The following LBR variants were observed in gnomAD, a reference collection of about 807,000 sequenced individuals.
LBR encodes lamin B receptor.
Under a neutral mutation model 74.3 loss-of-function variants are expected in LBR, and 28 were observed. The observed-to-expected ratio is 0.38, with a 90% CI of 0.28 to 0.52. The LOEUF is 0.52. Ranked by LOEUF, LBR falls within the 20% of genes least tolerant of loss-of-function variation. LBR has a pLI of 0.89. For synonymous variants in LBR, 228 were observed against 269.3 expected, an observed-to-expected ratio of 0.85 and a Z score of 1.50; for missense variants, 717 against 760.3, an observed-to-expected ratio of 0.94 and a Z score of 0.67.
At chr1:225,417,524 A>G (rs1184293800) in intron 6 of LBR, 1 of 153,050 alleles carries the variant, frequency 6.5e-6, no homozygotes, top group Non-Finnish European at 1.5e-5. Context: ...TTTTAAAGTA[A>G]AAGATGTAGA....
At chr1:225,409,707 G>A (rs1234190935) in intron 10 of LBR, among the ~76,000 whole-genome samples, 5 of 152,130 alleles carry the variant, frequency 3.3e-5, no homozygotes, top group African/African-American at 1.2e-4. Flanking sequence ...GGAATATGCT[G>A]GCTGAGACAG....
chr1:225,413,922 G>T (rs1264232586), intron 7 of LBR: 1 of 456,868 alleles, frequency 2.2e-6, no homozygotes, highest in South Asian at 1.5e-5. Context: ...CCCCTCAGAG[G>T]GAAGTGAAAA....
At chr1:225,403,860 G>C (rs79660901) in intron 13 of LBR, among the ~76,000 whole-genome samples, 1,286 of 103,866 alleles carry the variant, frequency 0.012, 24 homozygotes, top group African/African-American at 0.047. Context: ...GGATCCCCCT[G>C]CTCCCCCAGT....
chr1:225,412,045 G>A (rs1207894014), intron 8 of LBR, among the ~76,000 whole-genome samples: 2 of 152,158 alleles, frequency 1.3e-5, no homozygotes, highest in Non-Finnish European at 2.9e-5. Flanking sequence ...CCTGACCTCA[G>A]GTGATCCACC....
chr1:225,410,760 A>C (rs1477797178), intron 9 of LBR, among the ~76,000 whole-genome samples: 1 of 152,264 alleles, frequency 6.6e-6, no homozygotes, highest in Non-Finnish European at 1.5e-5. Flanking sequence ...CAACTATTAG[A>C]CTAGAGAAGA....
In LBR at chr1:225,404,376, C is replaced by A. The variant is rs370681636; in HGVS notation, c.1687+28G>T. ...ACATCTTTCTGGCGGCTAAAAGGGT[C>A]AAACTAGCACTCTTCTGAAATGCTT... On this transcript the variant is annotated intron_variant, in intron 13 of 13. Coordinates refer to ENST00000272163, the MANE Select transcript of LBR (RefSeq NM_002296.4). 32 of 1,613,228 alleles carry A rather than the reference C, an allele frequency of 2.0e-5. No individual in the cohort carries two copies. In the African/African-American group the frequency reaches 3.6e-4, roughly 18 times the overall value.
intron 6 of LBR, among the ~76,000 whole-genome samples, chr1:225,416,702 C>A (rs1219877010): frequency 6.6e-6 from 1 of 152,208 alleles, no homozygotes; most frequent in Non-Finnish European, 1.5e-5. Context: ...ATTCAACCAA[C>A]CAGATCCAAA....
intron 10 of LBR, among the ~76,000 whole-genome samples, chr1:225,407,219 T>C (rs180711549): frequency 1.3e-5 from 2 of 152,256 alleles, no homozygotes; most frequent in African/African-American, 2.4e-5. Context: ...GCTGCAGTAA[T>C]TGGGTTACTG....
At chr1:225,409,566 T>C (rs557477490) in intron 10 of LBR, among the ~76,000 whole-genome samples, 5 of 152,358 alleles carry the variant, frequency 3.3e-5, no homozygotes, top group South Asian at 2.1e-4. Flanking sequence ...AACATTATGA[T>C]GTACAGCTGC....
chr1:225,410,518 G>A (rs910454565), intron 9 of LBR, 102 bp from the exon 10 acceptor site: 14 of 1,276,442 alleles, frequency 1.1e-5, no homozygotes, highest in African/African-American at 1.5e-5. Context: ...CCTGGCAGAC[G>A]CCACCGTAAC....
Position 225,402,043 on chromosome 1 carries a change from T to C in LBR, c.*1260A>G, listed in dbSNP as rs2096082795. ...CACAAAAGTTTAGTGAATTTGCTACTGTTCCATTACAGGACAATTAAAAAT... is the reference window on the plus strand; with the variant it reads ...CACAAAAGTTTAGTGAATTTGCTACCGTTCCATTACAGGACAATTAAAAAT... On this transcript the variant is annotated 3_prime_UTR_variant, in exon 14 of 14. Coordinates refer to ENST00000272163, the MANE Select transcript of LBR (RefSeq NM_002296.4). 6.6e-6 allele frequency: 1 copy of C among 152,210 alleles called. No homozygotes were observed. Among genetic ancestry groups the C allele is most frequent in the African/African-American group, 2.4e-5 (1 of 41,452 alleles). 9.4% of individuals were successfully genotyped at this position (152,210 alleles called of 1,614,324 possible).
At chr1:225,414,942 G>A (rs1404167336) in intron 7 of LBR, among the ~76,000 whole-genome samples, 1 of 152,234 alleles carries the variant, frequency 6.6e-6, no homozygotes, top group East Asian at 1.9e-4. Flanking sequence ...ACATGAGCAA[G>A]GACAAGAGCA....
At chr1:225,417,743 A>G in intron 6 of LBR, 1 of 384,218 alleles carries the variant, frequency 2.6e-6, no homozygotes, top group South Asian at 4.9e-5. Flanking sequence ...CTAATAAGCA[A>G]GTGTTATACA....
chr1:225,426,276 C>G (rs2096138948), intron 1 of LBR, among the ~76,000 whole-genome samples: 1 of 152,208 alleles, frequency 6.6e-6, no homozygotes, highest in Non-Finnish European at 1.5e-5. Flanking sequence ...CTAATATATT[C>G]CCCCACAGGA....
intron 6 of LBR, among the ~76,000 whole-genome samples, chr1:225,416,740 T>C (rs1056589867): frequency 3.3e-5 from 5 of 152,242 alleles, no homozygotes; most frequent in African/African-American, 1.2e-4. Flanking sequence ...GCATCTGAGC[T>C]GAATATGTAC....
Position 225,418,247 on chromosome 1 carries a change from T to C in LBR, c.641-67A>G. 4.7e-6 allele frequency: 7 copies of C among 1,494,104 alleles called. No homozygotes were observed. In the South Asian group the frequency reaches 7.2e-5, roughly 15 times the overall value. 92.6% of individuals were successfully genotyped at this position (1,494,104 alleles called of 1,614,324 possible). On this transcript the variant is annotated intron_variant, in intron 5 of 13. Coordinates refer to ENST00000272163, the MANE Select transcript of LBR (RefSeq NM_002296.4). ...TGGTTTATTTATTTAAGAATCATGT[T>C]AGATTTGTTAAGATCAGAACTCGTT... is the stretch of plus-strand genomic sequence containing the variant.
At chr1:225,419,079 A>G (rs2096122779) in intron 5 of LBR, among the ~76,000 whole-genome samples, 184 bp downstream of exon 5, 2 of 152,068 alleles carry the variant, frequency 1.3e-5, no homozygotes, top group Admixed American at 1.3e-4. Flanking sequence ...AATCCCTCAA[A>G]ATGCTCCCAC....
chr1:225,423,640 C>T (rs182584773), intron 2 of LBR, among the ~76,000 whole-genome samples: 1 of 152,288 alleles, frequency 6.6e-6, no homozygotes, highest in African/African-American at 2.4e-5. Context: ...TCAACACCAC[C>T]CACAGCAAAC....
intron 1 of LBR, among the ~76,000 whole-genome samples, chr1:225,425,840 A>G (rs2096138144): frequency 1.3e-5 from 2 of 151,528 alleles, no homozygotes; most frequent in South Asian, 4.1e-4. Context: ...AACTCTTTAT[A>G]AACTTTTGAA....
Sources: gnomAD v4.1 joint callset for allele counts (sites outside exome capture counted in the v4.1 genomes callset) on GRCh38, gnomAD v4.1.1 for gene constraint, MANE v1.5 for transcripts, NCBI Gene and HGNC (gene_info 2026-07-23, HGNC 2026-07-21) for gene names.